MYOC: variants seen among roughly 807,000 people sequenced by gnomAD.
MYOC encodes myocilin, also known as juvenile-onset open-angle glaucoma 1.
MYOC carries 29 observed loss-of-function variants against 28.2 expected under a neutral mutation model. The ratio of observed to expected loss-of-function variants is 1.03; its 90% CI spans 0.77 to 1.40. The LOEUF (loss-of-function observed/expected upper bound fraction) is 1.40, where lower values mean the gene tolerates loss of function less well. MYOC is among the 40% of genes most tolerant of loss of function. The pLI is 0.00. For missense variants in MYOC, 569 were observed against 620.6 expected (o/e 0.92, Z 0.88); for synonymous variants, 240 against 245.6 (o/e 0.98, Z 0.21).
At chr1:171,651,739 C>T (rs1224666414) in intron 1 of MYOC, among the ~76,000 whole-genome samples, 2 of 152,174 alleles carry the variant, frequency 1.3e-5, no homozygotes, top group African/African-American at 4.8e-5. Context: ...CTCACCCGGT[C>T]CTTTTATTTC....
At chr1:171,649,064 A>G (rs1185253955) in intron 1 of MYOC, among the ~76,000 whole-genome samples, 1 of 152,042 alleles carries the variant, frequency 6.6e-6, no homozygotes, top group East Asian at 1.9e-4. Context: ...GAAAATTTAT[A>G]TAAGCCCAGA....
intron 1 of MYOC, among the ~76,000 whole-genome samples, chr1:171,639,064 C>T (rs552887954): frequency 1.3e-4 from 20 of 152,306 alleles, no homozygotes; most frequent in Non-Finnish European, 2.9e-4. Context: ...CTATTGTACT[C>T]CAGCTTGGGC....
In MYOC at chr1:171,646,761, C is replaced by T. The variant is rs529568301; in HGVS notation, c.604+5247G>A. Among the ~76,000 whole-genome samples, 4 of 152,280 alleles carry T rather than the reference C, an allele frequency of 2.6e-5. No homozygotes were observed. In the East Asian group the frequency reaches 7.7e-4, roughly 29 times the overall value. On this transcript the variant is annotated intron_variant, in intron 1 of 2. Coordinates refer to ENST00000037502, the MANE Select transcript of MYOC (RefSeq NM_000261.2). ...CCGCCTGCCTCAGCCTCCCAAAGTGCTGGGATTACAGGCGTGAGCCACCAC... is the reference window on the plus strand; with the variant it reads ...CCGCCTGCCTCAGCCTCCCAAAGTGTTGGGATTACAGGCGTGAGCCACCAC...
Sources: gnomAD v4.1 joint callset for allele counts (sites outside exome capture counted in the v4.1 genomes callset) on GRCh38, gnomAD v4.1.1 for gene constraint, MANE v1.5 for transcripts, NCBI Gene and HGNC (gene_info 2026-07-23, HGNC 2026-07-21) for gene names.